Variants in DZIP1L observed in about 807,000 individuals in gnomAD.
DZIP1L encodes the protein cilium assembly protein DZIP1L.
Under a neutral mutation model 88.7 loss-of-function variants are expected in DZIP1L, and 90 were observed. The observed-to-expected ratio is 1.02, with a 90% CI of 0.86 to 1.21. DZIP1L has a LOEUF of 1.21. Among genes scored for constraint, DZIP1L ranks in the 50% most tolerant of loss-of-function variants. The probability of loss-of-function intolerance (pLI) is 0.00; values close to 1 mark genes in which losing one functional copy is unlikely to be tolerated. For missense variants in DZIP1L, 932 were observed against 955.8 expected, an observed-to-expected ratio of 0.98 and a Z score of 0.33; for synonymous variants, 363 against 372.1, an observed-to-expected ratio of 0.98 and a Z score of 0.28.
chr3:138,093,775 C>T (rs1029103415), intron 4 of DZIP1L, among the ~76,000 whole-genome samples: 9 of 152,224 alleles, frequency 5.9e-5, no homozygotes, highest in Non-Finnish European at 1.3e-4. Flanking sequence ...TTCTTCACTT[C>T]TCTCAGCCTT....
intron 2 of DZIP1L, among the ~76,000 whole-genome samples, chr3:138,099,993 C>T (rs762493819): frequency 1.3e-5 from 2 of 152,100 alleles, no homozygotes; most frequent in Non-Finnish European, 2.9e-5. Flanking sequence ...CCTTCTGCCC[C>T]ACCCCGCAAA....
In DZIP1L at chr3:138,081,657, G is replaced by C. The variant is rs144652279; in HGVS notation, c.1234+77C>G. 1,003 of 1,468,476 alleles carry C rather than the reference G, an allele frequency of 6.8e-4. 4 individuals carry two copies. In the African/African-American group the frequency reaches 0.013, roughly 19 times the overall value. 91.0% of individuals were successfully genotyped at this position (1,468,476 alleles called of 1,614,324 possible). ...CAATCCACCACCCATGAATTGACTG[G>C]GGGAGAGGGAAAAGGAGGGAGAAAA... On this transcript the variant is annotated intron_variant, in intron 9 of 15. Coordinates refer to ENST00000327532, the MANE Select transcript of DZIP1L (RefSeq NM_173543.3).
Position 138,104,061 on chromosome 3 carries a change from T to C in DZIP1L, c.-81-9A>G. 6.6e-7 allele frequency: 1 copy of C among 1,512,786 alleles called. No individual in the cohort carries two copies. Among genetic ancestry groups the C allele is most frequent in the East Asian group, 2.3e-5 (1 of 44,248 alleles). 93.7% of individuals were successfully genotyped at this position (1,512,786 alleles called of 1,614,324 possible). On this transcript the variant is annotated splice_polypyrimidine_tract_variant and intron_variant, in intron 1 of 15. Coordinates refer to ENST00000327532, the MANE Select transcript of DZIP1L (RefSeq NM_173543.3). The stretch of plus-strand genomic sequence containing the variant: ...AGGAGCTGAGAGAAGGCCTGGAAAA[T>C]AAGAAGAGAGTCCAAGTTAGGTGAG...
chr3:138,099,661 C>G (rs1161462702), intron 2 of DZIP1L, among the ~76,000 whole-genome samples: 1 of 152,090 alleles, frequency 6.6e-6, no homozygotes, highest in East Asian at 1.9e-4. Context: ...AGATTAATGC[C>G]CTCCCTTGGG....
rs917634983 is a variant in DZIP1L at position 138,080,584 on chromosome 3, T to C, written c.1271A>G (p.Glu424Gly). The stretch of plus-strand genomic sequence containing the variant: ...GGTCCCACCTTCCTCTGGAGAGTCC[T>C]CCTCTGTGTCCACAGCCTTTGGCAC... ...HKVPKAVDTE[E>G]DSPEEEMEDS... Residue 424 changes from glutamate to glycine, a missense_variant, in exon 10 of 16, where the codon GAG (glutamate) becomes GGG (glycine). By Grantham distance (98) the Glu-to-Gly change is moderately conservative. Transcript: ENST00000327532. The C allele has an allele frequency of 1.9e-6, 3 of 1,613,880 alleles. No individual in the cohort carries two copies. Among genetic ancestry groups the C allele is most frequent in the Non-Finnish European group, 2.5e-6 (3 of 1,179,842 alleles).
At chr3:138,084,083 A>C in intron 8 of DZIP1L, 30 bp downstream of exon 8, 3 of 1,609,790 alleles carry the variant, frequency 1.9e-6, no homozygotes, top group Non-Finnish European at 2.5e-6. Context: ...AGGGACACCA[A>C]GGCCTGGCTG....
In DZIP1L at chr3:138,105,470, C is replaced by T. The variant is rs894735596; in HGVS notation, c.-81-1418G>A. ...TCTACAGATGCTCAAATTGCTTATA[C>T]AAAATGGTGTAGTATTTGCATATAA... On this transcript the variant is annotated intron_variant, in intron 1 of 15. Transcript: ENST00000327532. Among the ~76,000 whole-genome samples the T allele has an allele frequency of 3.9e-5, 6 of 152,118 alleles. No homozygotes were observed. The East Asian group carries it at 1.2e-3, about 29-fold the overall frequency.
intron 11 of DZIP1L, among the ~76,000 whole-genome samples, chr3:138,073,635 T>C: frequency 6.6e-6 from 1 of 152,152 alleles, no homozygotes; most frequent in African/African-American, 2.4e-5. Context: ...AAAACAATTC[T>C]GGTAATATGA....
rs182563099 is a variant in DZIP1L, at chr3:138,090,343, T to G, written c.871-1836A>C. On this transcript the variant is annotated intron_variant, in intron 5 of 15. Coordinates refer to ENST00000327532, the MANE Select transcript of DZIP1L (RefSeq NM_173543.3). The stretch of plus-strand genomic sequence containing the variant: ...GTGGTTTCTGAACAACAACTTCAAA[T>G]TCCTGTCAATACCTATTTATCAAAC... Among the ~76,000 whole-genome samples the G allele has an allele frequency of 2.4e-4, 36 of 152,242 alleles. 1 individual carries two copies. The East Asian group carries it at 6.9e-3, about 29-fold the overall frequency.
chr3:138,105,464 C>G (rs569263593), intron 1 of DZIP1L, among the ~76,000 whole-genome samples: 1 of 151,976 alleles, frequency 6.6e-6, no homozygotes, highest in African/African-American at 2.4e-5. Flanking sequence ...GCTCAAATTG[C>G]TTATACAAAA....
chr3:138,071,964 G>C (rs972252564), intron 11 of DZIP1L, 129 bp from the exon 12 acceptor site: 3 of 876,686 alleles, frequency 3.4e-6, no homozygotes, highest in Non-Finnish European at 5.1e-6. Context: ...TTGCAGGACT[G>C]GGGGGCATGA....
At chr3:138,089,023 C>G (rs1344411278) in intron 5 of DZIP1L, 4 of 985,348 alleles carry the variant, frequency 4.1e-6, no homozygotes, top group Non-Finnish European at 4.8e-6. Context: ...GAAAAAGGTA[C>G]AGAAAATTGG....
rs538978794 is a variant in DZIP1L at position 138,068,306 on chromosome 3, C to A, written c.1677G>T (p.Gln559His). Residue 559 changes from glutamine (Q) to histidine (H), a missense_variant, in exon 13 of 16, where the codon CAG (glutamine) becomes CAT (histidine). Transcript: ENST00000327532. ...CTGCCGGTGTGGATGGCAAGGCCAC[C>A]TGCAGGGTCCTGGTCTTTGGCTGGG... ...REAQPKTRTL[Q>H]VALPSTPAEP... 7.5e-6 allele frequency: 12 copies of A among 1,594,986 alleles called. No individual in the cohort carries two copies. In the African/African-American group the frequency reaches 1.5e-4, roughly 20 times the overall value.
chr3:138,094,287 G>A (rs1944367187), intron 4 of DZIP1L, among the ~76,000 whole-genome samples: 1 of 152,200 alleles, frequency 6.6e-6, no homozygotes. Context: ...TGATAAACTT[G>A]CTCAACACAG....
At chr3:138,075,553 A>G (rs1029928485) in intron 11 of DZIP1L, among the ~76,000 whole-genome samples, 7 of 152,266 alleles carry the variant, frequency 4.6e-5, no homozygotes, top group Admixed American at 2.6e-4. Flanking sequence ...TTCCTGAATA[A>G]TCGTTGGGTC....
At chr3:138,106,386 C>T (rs1454389371) in intron 1 of DZIP1L, among the ~76,000 whole-genome samples, 1 of 151,214 alleles carries the variant, frequency 6.6e-6, no homozygotes, top group Non-Finnish European at 1.5e-5. Context: ...GATCCACCCG[C>T]CTCAGCCTCC....
chr3:138,078,805 C>A (rs1284706417), intron 10 of DZIP1L, among the ~76,000 whole-genome samples: 1 of 152,190 alleles, frequency 6.6e-6, no homozygotes, highest in African/African-American at 2.4e-5. Context: ...GAATCACCTG[C>A]GGAGCTTTAA....
intron 1 of DZIP1L, among the ~76,000 whole-genome samples, chr3:138,114,513 C>A (rs1363971861): frequency 6.6e-6 from 1 of 152,156 alleles, no homozygotes; most frequent in Non-Finnish European, 1.5e-5. Context: ...GTCCTCACAT[C>A]CGGGAGGGGG....
intron 15 of DZIP1L, 34 bp downstream of exon 15, chr3:138,064,594 T>C: frequency 6.2e-7 from 1 of 1,614,090 alleles, no homozygotes; most frequent in South Asian, 1.1e-5. Context: ...CTGTAGAGAA[T>C]TCCAGAGTAA....
Sources: gnomAD v4.1 joint callset for allele counts (sites outside exome capture counted in the v4.1 genomes callset) on GRCh38, gnomAD v4.1.1 for gene constraint, MANE v1.5 for transcripts, NCBI Gene and HGNC (gene_info 2026-07-23, HGNC 2026-07-21) for gene names.